NPAS3: variants seen among roughly 807,000 people sequenced by gnomAD.
NPAS3 encodes the protein neuronal PAS domain protein 3.
NPAS3 carries 14 observed loss-of-function variants against 73.1 expected under a neutral mutation model. The observed-to-expected ratio is 0.19, with a 90% CI of 0.13 to 0.30. The LOEUF (loss-of-function observed/expected upper bound fraction) is 0.30, where lower values mean the gene tolerates loss of function less well. NPAS3 is among the 10% of genes least tolerant of loss of function. The probability of loss-of-function intolerance (pLI) is 1.00; values close to 1 mark genes in which losing one functional copy is unlikely to be tolerated. For synonymous variants in NPAS3, 620 were observed against 541.5 expected (o/e 1.14, Z -2.01); for missense variants, 1,096 against 1,250.0 (o/e 0.88, Z 1.86).
At chr14:33,336,399 T>G (rs2044227611) in intron 3 of NPAS3, among the ~76,000 whole-genome samples, 1 of 152,186 alleles carries the variant, frequency 6.6e-6, no homozygotes, top group African/African-American at 2.4e-5. Context: ...GACAGAAGTC[T>G]CCATTTTCTT....
intron 5 of NPAS3, among the ~76,000 whole-genome samples, chr14:33,599,353 G>A (rs1228715227): frequency 1.3e-5 from 2 of 152,140 alleles, no homozygotes; most frequent in African/African-American, 4.8e-5. Flanking sequence ...ATTAGGTATT[G>A]TACTCATGGG....
intron 7 of NPAS3, among the ~76,000 whole-genome samples, chr14:33,770,880 A>G (rs901752279): frequency 6.6e-6 from 1 of 152,220 alleles, no homozygotes; most frequent in African/African-American, 2.4e-5. Flanking sequence ...AGCCTGGACT[A>G]CAGAGTGAGT....
intron 1 of NPAS3, among the ~76,000 whole-genome samples, chr14:32,978,113 G>C (rs182417311): frequency 3.3e-5 from 3 of 90,784 alleles, no homozygotes; most frequent in Non-Finnish European, 6.4e-5. Context: ...GTGAAGATGT[G>C]GGGGGGTGAG....
At chr14:33,263,224 G>A (rs1245903194) in intron 3 of NPAS3, among the ~76,000 whole-genome samples, 1 of 151,932 alleles carries the variant, frequency 6.6e-6, no homozygotes, top group Non-Finnish European at 1.5e-5. Context: ...TATTGCCTAG[G>A]TTTTCTTCTA....
chr14:33,406,664 T>C (rs1371455900), intron 4 of NPAS3, among the ~76,000 whole-genome samples: 1 of 152,116 alleles, frequency 6.6e-6, no homozygotes, highest in Non-Finnish European at 1.5e-5. Flanking sequence ...AAACCACATT[T>C]TAAAATATGA....
chr14:33,542,656 A>T (rs1566987124), intron 4 of NPAS3, among the ~76,000 whole-genome samples: 1 of 152,246 alleles, frequency 6.6e-6, no homozygotes, highest in African/African-American at 2.4e-5. Context: ...TTAACTTAGG[A>T]TTCTAAAATC....
chr14:33,290,736 G>T (rs1179056973), intron 3 of NPAS3, among the ~76,000 whole-genome samples: 1 of 152,182 alleles, frequency 6.6e-6, no homozygotes, highest in Non-Finnish European at 1.5e-5. Context: ...TCCATAACTG[G>T]ATGCTTTGCC....
chr14:33,182,085 C>A (rs1232575475), intron 2 of NPAS3, among the ~76,000 whole-genome samples: 3 of 151,968 alleles, frequency 2.0e-5, no homozygotes, highest in African/African-American at 7.3e-5. Flanking sequence ...CCCTAGATAC[C>A]AGGCTGTATG....
At chr14:33,291,093 G>A (rs529189509) in intron 3 of NPAS3, among the ~76,000 whole-genome samples, 6 of 152,128 alleles carry the variant, frequency 3.9e-5, no homozygotes, top group East Asian at 1.9e-4. Context: ...GGAAACTACC[G>A]ATCTCATTCC....
intron 4 of NPAS3, among the ~76,000 whole-genome samples, chr14:33,406,302 A>G (rs1280439997): frequency 6.6e-6 from 1 of 152,120 alleles, no homozygotes; most frequent in Non-Finnish European, 1.5e-5. Flanking sequence ...TGTGGTGGGA[A>G]GAGAGTAGAG....
chr14:33,008,572 C>T (rs1566460085), intron 1 of NPAS3, among the ~76,000 whole-genome samples: 1 of 152,032 alleles, frequency 6.6e-6, no homozygotes, highest in African/African-American at 2.4e-5. Context: ...AAAAGCTAGA[C>T]AGACATTTAC....
At chr14:33,151,460 T>C (rs1344000815) in intron 2 of NPAS3, among the ~76,000 whole-genome samples, 1 of 152,262 alleles carries the variant, frequency 6.6e-6, no homozygotes, top group Non-Finnish European at 1.5e-5. Flanking sequence ...TCCGTCAGTT[T>C]GTATAAAAGA....
In NPAS3 at chr14:32,968,786, A is replaced by T. The variant is rs1345844985; in HGVS notation, c.50+29420A>T. Among the ~76,000 whole-genome samples the T allele has an allele frequency of 8.5e-3, 719 of 84,100 alleles. 6 individuals are homozygous for T. Among genetic ancestry groups the T allele is most frequent in the African/African-American group, 0.028 (687 of 24,640 alleles). The allele number at this position is 84,100 out of a possible 152,430, so 55.2% of individuals were successfully genotyped here. On this transcript the variant is annotated intron_variant, in intron 1 of 11. Coordinates refer to ENST00000356141, the Ensembl canonical transcript of NPAS3. ...CTACTTTCTTTCTTTTTTTTTTTTT[A>T]AACTTATTTTGAGCTCTGGGGTACC...
upstream of NPAS3, among the ~76,000 whole-genome samples, chr14:32,937,453 C>A (rs956788349): frequency 6.6e-6 from 1 of 152,022 alleles, no homozygotes; most frequent in Non-Finnish European, 1.5e-5. Context: ...TGTCCTGGAG[C>A]CAAAACTTTG....
At chr14:33,507,609 C>G (rs1185684469) in intron 4 of NPAS3, among the ~76,000 whole-genome samples, 1 of 151,866 alleles carries the variant, frequency 6.6e-6, no homozygotes, top group African/African-American at 2.4e-5. Flanking sequence ...AAATGGAATT[C>G]CAATTCAGTT....
At chr14:33,268,987 C>G (rs2040949367) in intron 3 of NPAS3, among the ~76,000 whole-genome samples, 1 of 152,144 alleles carries the variant, frequency 6.6e-6, no homozygotes, top group African/African-American at 2.4e-5. Flanking sequence ...CAGACTAATG[C>G]TTTCTTGAAG....
At chr14:33,664,216 A>G (rs552125561) in intron 5 of NPAS3, among the ~76,000 whole-genome samples, 2 of 152,320 alleles carry the variant, frequency 1.3e-5, no homozygotes, top group South Asian at 2.1e-4. Flanking sequence ...ATAACGCTGC[A>G]TATCTACAAC....
chr14:33,480,301 G>A (rs2383481), intron 4 of NPAS3, among the ~76,000 whole-genome samples: 47,943 of 152,032 alleles, frequency 0.32, 9,763 homozygotes, highest in African/African-American at 0.58. Context: ...TTACTGATAC[G>A]TAGATATACA....
At chr14:33,345,055 C>T (rs1188215801) in intron 3 of NPAS3, among the ~76,000 whole-genome samples, 2 of 152,170 alleles carry the variant, frequency 1.3e-5, no homozygotes, top group East Asian at 3.8e-4. Context: ...CTTTTTATTC[C>T]TTCTCACCTG....
Sources: gnomAD v4.1 joint callset for allele counts (sites outside exome capture counted in the v4.1 genomes callset) on GRCh38, gnomAD v4.1.1 for gene constraint, MANE v1.5 for transcripts, NCBI Gene and HGNC (gene_info 2026-07-23, HGNC 2026-07-21) for gene names.